Variants in SCARA5 observed in about 807,000 individuals in gnomAD.
SCARA5 encodes the protein scavenger receptor class A, member 5 (putative).
SCARA5 carries 45 observed loss-of-function variants against 46.3 expected under a neutral mutation model. The observed-to-expected ratio is 0.97, with a 90% CI of 0.76 to 1.24. The LOEUF (loss-of-function observed/expected upper bound fraction) is 1.24, where lower values mean the gene tolerates loss of function less well. SCARA5 is among the 50% of genes most tolerant of loss of function. SCARA5 has a pLI of 0.00. For missense variants in SCARA5, 680 were observed against 689.0 expected, an observed-to-expected ratio of 0.99 and a Z score of 0.15; for synonymous variants, 333 against 306.5, an observed-to-expected ratio of 1.09 and a Z score of -0.90.
At chr8:27,930,694 G>A (rs557754509) in intron 3 of SCARA5, among the ~76,000 whole-genome samples, 53 of 152,214 alleles carry the variant, frequency 3.5e-4, no homozygotes, top group Non-Finnish European at 6.5e-4. Flanking sequence ...GAGCCACCGC[G>A]CCCAGCCTAA....
Position 27,982,189 on chromosome 8 carries a change from G to A in SCARA5, c.112+5315C>T, listed in dbSNP as rs956381833. On this transcript the variant is annotated intron_variant, in intron 2 of 8. Transcript: ENST00000354914. ...ACGAGTGGAGGGGGCTGGGGCCGTG[G>A]GGGCGAATGGGACTGCAGTATTTTT... 3.9e-5 allele frequency among the ~76,000 whole-genome samples: 6 copies of A among 152,106 alleles called. No individual in the cohort carries two copies. In the South Asian group the frequency reaches 1.2e-3, roughly 32 times the overall value.
chr8:27,957,427 G>A (rs1375031223), intron 3 of SCARA5, among the ~76,000 whole-genome samples: 4 of 152,236 alleles, frequency 2.6e-5, no homozygotes, highest in Non-Finnish European at 4.4e-5. Flanking sequence ...ACAACACTTC[G>A]AAGTGGGCAG....
intron 3 of SCARA5, among the ~76,000 whole-genome samples, chr8:27,930,119 G>T (rs1435044818): frequency 6.6e-6 from 1 of 152,172 alleles, no homozygotes; most frequent in Non-Finnish European, 1.5e-5. Flanking sequence ...TAACTAGCTT[G>T]ATATGGTTTT....
At chr8:27,888,437 G>T (rs1358116000) in intron 7 of SCARA5, among the ~76,000 whole-genome samples, 1 of 152,186 alleles carries the variant, frequency 6.6e-6, no homozygotes, top group Non-Finnish European at 1.5e-5. Flanking sequence ...GTAAGCCCTT[G>T]CTTCCAGATT....
chr8:27,948,741 C>T (rs180753507), intron 3 of SCARA5, among the ~76,000 whole-genome samples: 379 of 152,290 alleles, frequency 2.5e-3, no homozygotes, highest in African/African-American at 8.4e-3. Flanking sequence ...GAGGAAAAAA[C>T]GATTCCAGCC....
intron 8 of SCARA5, among the ~76,000 whole-genome samples, chr8:27,878,665 G>A (rs769077847): frequency 2.2e-4 from 33 of 152,238 alleles, no homozygotes; most frequent in Non-Finnish European, 4.1e-4. Context: ...GGCAGAGACA[G>A]CCCAGCAGAG....
chr8:27,961,971 G>A (rs1008641395), intron 3 of SCARA5, among the ~76,000 whole-genome samples: 1 of 152,108 alleles, frequency 6.6e-6, no homozygotes, highest in Non-Finnish European at 1.5e-5. Flanking sequence ...AGAATAGGCA[G>A]AAATTTTTGT....
intron 4 of SCARA5, among the ~76,000 whole-genome samples, chr8:27,917,369 T>A (rs576811271): frequency 6.6e-6 from 1 of 152,234 alleles, no homozygotes. Flanking sequence ...GAGATTGGAC[T>A]TAGAAATGAA....
At chr8:27,939,619 C>T (rs185202332) in intron 3 of SCARA5, among the ~76,000 whole-genome samples, 36 of 152,264 alleles carry the variant, frequency 2.4e-4, no homozygotes, top group Admixed American at 6.5e-4. Flanking sequence ...TCCTGGGTCA[C>T]GCAGCTAGAC....
intron 3 of SCARA5, among the ~76,000 whole-genome samples, chr8:27,946,398 C>T (rs1179625259): frequency 6.6e-6 from 1 of 152,220 alleles, no homozygotes; most frequent in Admixed American, 6.5e-5. Flanking sequence ...CACAGAAAAT[C>T]CTCAGATGCT....
intron 3 of SCARA5, among the ~76,000 whole-genome samples, chr8:27,959,865 C>G (rs560870043): frequency 3.3e-5 from 5 of 152,286 alleles, no homozygotes; most frequent in Admixed American, 2.0e-4. Context: ...ATGGGTGGAG[C>G]CATTGCTGGC....
At chr8:27,878,936 A>G (rs914489461) in intron 8 of SCARA5, among the ~76,000 whole-genome samples, 17 of 152,168 alleles carry the variant, frequency 1.1e-4, no homozygotes, top group Non-Finnish European at 2.2e-4. Context: ...TAAAAATAAG[A>G]AGAAAAGTTA....
In SCARA5 at chr8:27,917,980, G is replaced by A. The variant is rs145875463; in HGVS notation, c.916+3591C>T. ...AACTGGGTAGGGGAAGCCTCTGATC[G>A]TCCAGTGTCAAGATTTAACAGTTGC... On this transcript the variant is annotated intron_variant, in intron 4 of 8. Coordinates refer to ENST00000354914, the MANE Select transcript of SCARA5 (RefSeq NM_173833.6). Among the ~76,000 whole-genome samples the A allele has an allele frequency of 1.7e-3, 259 of 152,292 alleles. 2 individuals are homozygous for A. The highest frequency in any genetic ancestry group is 5.8e-3 in the African/African-American group (240 of 41,552).
At chr8:27,895,137 A>G (rs561018579) in intron 7 of SCARA5, among the ~76,000 whole-genome samples, 1 of 152,278 alleles carries the variant, frequency 6.6e-6, no homozygotes, top group African/African-American at 2.4e-5. Flanking sequence ...GAAAGAAAGG[A>G]GGTTGTGGAG....
intron 3 of SCARA5, among the ~76,000 whole-genome samples, chr8:27,959,814 G>T (rs1309055030): frequency 1.3e-5 from 2 of 152,232 alleles, no homozygotes; most frequent in Non-Finnish European, 2.9e-5. Context: ...TCGGGAGGGA[G>T]GTTGTAGGAG....
chr8:27,959,321 T>C (rs1808258016), intron 3 of SCARA5, among the ~76,000 whole-genome samples: 2 of 152,232 alleles, frequency 1.3e-5, no homozygotes, highest in Non-Finnish European at 2.9e-5. Flanking sequence ...CCCCCCTGGC[T>C]AGGCCACCCC....
At chr8:27,898,017 T>A (rs1807092875) in intron 7 of SCARA5, among the ~76,000 whole-genome samples, 1 of 152,248 alleles carries the variant, frequency 6.6e-6, no homozygotes, top group Non-Finnish European at 1.5e-5. Flanking sequence ...GGCCCAGCTC[T>A]GGTCTCTCTC....
chr8:27,919,616 T>C (rs1807549473), intron 4 of SCARA5, among the ~76,000 whole-genome samples: 1 of 151,800 alleles, frequency 6.6e-6, no homozygotes, highest in African/African-American at 2.4e-5. Flanking sequence ...TCTGCAGCAG[T>C]TCTCTCTGTG....
At chr8:27,975,043 G>T (rs1049580025) in intron 2 of SCARA5, among the ~76,000 whole-genome samples, 2 of 152,150 alleles carry the variant, frequency 1.3e-5, no homozygotes, top group Non-Finnish European at 2.9e-5. Context: ...CTGGCCACTG[G>T]AATGACCAAG....
Sources: allele counts gnomAD v4.1 joint callset (sites outside exome capture counted in the v4.1 genomes callset), GRCh38; gene constraint gnomAD v4.1.1; transcripts MANE v1.5; gene names NCBI Gene and HGNC (gene_info 2026-07-23, HGNC 2026-07-21).